ABCB11: variants seen among roughly 807,000 people sequenced by gnomAD.
ABCB11 encodes the protein ATP binding cassette subfamily B member 11, also known as bile salt export pump.
In ABCB11, 95 loss-of-function variants were observed where a neutral mutation model predicts 148.0. The ratio of observed to expected loss-of-function variants is 0.64; its 90% CI spans 0.54 to 0.76. The LOEUF (loss-of-function observed/expected upper bound fraction) is 0.76, where lower values mean the gene tolerates loss of function less well. ABCB11 is among the 30% of genes least tolerant of loss of function. The pLI is 0.00. For missense variants in ABCB11, 1,523 were observed against 1,617.8 expected (o/e 0.94, Z 1.01); for synonymous variants, 591 against 555.4 (o/e 1.06, Z -0.90).
chr2:168,916,254 C>T (rs888739850), downstream of ABCB11, among the ~76,000 whole-genome samples: 8 of 152,166 alleles, frequency 5.3e-5, no homozygotes, highest in African/African-American at 1.9e-4. Context: ...TTTCTATCTC[C>T]AGCTCTTCTG....
rs3821121 is a variant in ABCB11, at chr2:168,980,740, G to T, written c.1084-761C>A. 0.016 allele frequency among the ~76,000 whole-genome samples: 2,382 copies of T among 152,200 alleles called. 271 individuals are homozygous for T. In the East Asian group the frequency reaches 0.31, roughly 20 times the overall value. ...GCAGGTGGAGTGGTCAGGTTCCTGT[G>T]CAGACTTGGGGCAGCTGTTCTTTGA... On this transcript the variant is annotated intron_variant, in intron 10 of 27. Coordinates refer to ENST00000650372, the MANE Select transcript of ABCB11 (RefSeq NM_003742.4).
At chr2:168,953,140 T>C (rs1376830819) in intron 19 of ABCB11, among the ~76,000 whole-genome samples, 1 of 151,700 alleles carries the variant, frequency 6.6e-6, no homozygotes, top group Non-Finnish European at 1.5e-5. Flanking sequence ...TGATCTATCT[T>C]GCAAAATGTT....
At chr2:168,964,180 C>T (rs945454233) in intron 18 of ABCB11, 26 bp downstream of exon 18, 4 of 1,507,836 alleles carry the variant, frequency 2.7e-6, no homozygotes, top group African/African-American at 1.4e-5. Context: ...TCTTCCATTC[C>T]CCCCCATAAG....
chr2:168,924,813 AG>A lies in ABCB11; in HGVS notation c.3619-11del, dbSNP rs1559174587. 4 of 1,609,992 alleles carry A rather than the reference AG, an allele frequency of 2.5e-6. No homozygotes were observed. Among genetic ancestry groups the A allele is most frequent in the Non-Finnish European group, 3.4e-6 (4 of 1,177,532 alleles). ...CGTTAGTTTCATATTTCTGAAAAAA[AG>A]TATGATAAGTTTGAGAAATAGAAAC... On this transcript the variant is annotated splice_polypyrimidine_tract_variant and intron_variant, in intron 26 of 27. Transcript: ENST00000650372.
At chr2:168,947,027 C>T (rs187171699) in intron 19 of ABCB11, among the ~76,000 whole-genome samples, 2 of 151,936 alleles carry the variant, frequency 1.3e-5, no homozygotes, top group African/African-American at 2.4e-5. Flanking sequence ...ACTCCAAGGG[C>T]TATCCATCCA....
intron 19 of ABCB11, among the ~76,000 whole-genome samples, chr2:168,955,489 G>A (rs1434554032): frequency 2.6e-5 from 4 of 151,592 alleles, no homozygotes; most frequent in Non-Finnish European, 5.9e-5. Context: ...GATTTTGTGA[G>A]AACTTACTCA....
intron 18 of ABCB11, among the ~76,000 whole-genome samples, chr2:168,961,623 C>T (rs547719752): frequency 6.6e-6 from 1 of 151,782 alleles, no homozygotes; most frequent in South Asian, 2.1e-4. Context: ...TGTGGGTTTC[C>T]CTAATCCTAA....
intron 17 of ABCB11, among the ~76,000 whole-genome samples, chr2:168,967,185 G>A (rs889258331): frequency 1.1e-4 from 16 of 151,768 alleles, no homozygotes; most frequent in Admixed American, 4.6e-4. Flanking sequence ...ATTTAGTATC[G>A]AATCAGAAAA....
downstream of ABCB11, among the ~76,000 whole-genome samples, chr2:168,919,172 T>A (rs1329205873): frequency 2.0e-5 from 2 of 101,666 alleles, no homozygotes. Context: ...AATCTATCTA[T>A]AATTCTGCTT....
rs749146516 is a variant in ABCB11, at chr2:168,923,651, G to A, written c.3937C>T (p.Leu1313=). 29 of 1,613,716 alleles carry A rather than the reference G, an allele frequency of 1.8e-5. No individual in the cohort carries two copies. The highest frequency in any genetic ancestry group is 2.3e-5 in the Non-Finnish European group (27 of 1,179,872). ...LMAQKGAYYK[L]VTTGSPIS is the part of the protein sequence containing the mutation. ...CTGATGGGGGATCCAGTGGTGACTA[G>A]TTTGTAGTAGGCTCCTTTTTGGGCC... Residue 1313 remains leucine (L), a synonymous_variant, in exon 28 of 28, where the codon CTA becomes TTA. Transcript: ENST00000650372.
chr2:168,950,606 C>T (rs1044570813), intron 19 of ABCB11, among the ~76,000 whole-genome samples: 3 of 151,522 alleles, frequency 2.0e-5, no homozygotes, highest in Admixed American at 6.6e-5. Flanking sequence ...CTGCTCATGT[C>T]CTTCACCTAC....
At chr2:168,938,703 A>G (rs1691935010) in intron 21 of ABCB11, among the ~76,000 whole-genome samples, 1 of 152,052 alleles carries the variant, frequency 6.6e-6, no homozygotes, top group Non-Finnish European at 1.5e-5. Flanking sequence ...TTTTACCACA[A>G]TTTTTTTTAA....
intron 5 of ABCB11, among the ~76,000 whole-genome samples, chr2:169,011,839 A>G (rs932403959): frequency 6.6e-6 from 1 of 152,062 alleles, no homozygotes; most frequent in Non-Finnish European, 1.5e-5. Flanking sequence ...TTTTTAAAAA[A>G]ATTTTTGTAG....
chr2:168,974,849 A>G (rs1693746185), intron 12 of ABCB11, among the ~76,000 whole-genome samples: 1 of 151,492 alleles, frequency 6.6e-6, no homozygotes, highest in African/African-American at 2.4e-5. Flanking sequence ...ACCTTTACAT[A>G]TGTTATAACA....
intron 19 of ABCB11, among the ~76,000 whole-genome samples, chr2:168,957,327 G>T (rs1303282314): frequency 2.0e-5 from 3 of 151,620 alleles, no homozygotes; most frequent in Non-Finnish European, 4.4e-5. Flanking sequence ...AAACTTAAAT[G>T]AACTATTGTA....
intron 5 of ABCB11, among the ~76,000 whole-genome samples, chr2:169,001,302 A>C (rs996261954): frequency 4.6e-5 from 7 of 152,072 alleles, no homozygotes; most frequent in African/African-American, 1.7e-4. Context: ...GATGTCTAGG[A>C]CTTCTTTTAT....
At chr2:168,994,586 A>G (rs1028249089) in intron 7 of ABCB11, among the ~76,000 whole-genome samples, 2 of 152,128 alleles carry the variant, frequency 1.3e-5, no homozygotes, top group African/African-American at 2.4e-5. Context: ...AGCGCCTATC[A>G]TATAATAAAC....
chr2:168,987,528 C>T (rs536450958), intron 9 of ABCB11, among the ~76,000 whole-genome samples: 2 of 152,276 alleles, frequency 1.3e-5, no homozygotes, highest in South Asian at 4.1e-4. Context: ...TCCCCAGAAT[C>T]AGGTGATCCT....
intron 5 of ABCB11, among the ~76,000 whole-genome samples, chr2:169,008,309 C>T (rs1695082278): frequency 6.6e-6 from 1 of 152,186 alleles, no homozygotes. Flanking sequence ...CCTGCTTCTT[C>T]CAGCTCTTGA....
Sources: gnomAD v4.1 joint callset for allele counts (sites outside exome capture counted in the v4.1 genomes callset) on GRCh38, gnomAD v4.1.1 for gene constraint, MANE v1.5 for transcripts, NCBI Gene and HGNC (gene_info 2026-07-23, HGNC 2026-07-21) for gene names.